The following BAG4 variants were observed in gnomAD, a reference collection of about 807,000 sequenced individuals.
The protein encoded by BAG4 is BAG family molecular chaperone regulator 4.
Under a neutral mutation model 52.1 loss-of-function variants are expected in BAG4, and 28 were observed. That is an observed-to-expected ratio of 0.54 (90% CI 0.40 to 0.74). The LOEUF (loss-of-function observed/expected upper bound fraction) is 0.74. Among genes scored for constraint, BAG4 ranks in the 30% least tolerant of loss-of-function variants. The pLI is 0.00. For synonymous variants in BAG4, 208 were observed against 217.0 expected, an observed-to-expected ratio of 0.96 and a Z score of 0.37; for missense variants, 525 against 572.0, an observed-to-expected ratio of 0.92 and a Z score of 0.84.
At chr8:38,190,291 A>G (rs374939604) in intron 1 of BAG4, among the ~76,000 whole-genome samples, 2 of 152,232 alleles carry the variant, frequency 1.3e-5, no homozygotes, top group Non-Finnish European at 2.9e-5. Context: ...ATCACTACTA[A>G]TAACATTATA....
chr8:38,198,333 G>A (rs1803599426), intron 2 of BAG4, among the ~76,000 whole-genome samples: 1 of 144,872 alleles, frequency 6.9e-6, no homozygotes, highest in South Asian at 2.3e-4. Context: ...GCAATGAACC[G>A]AGATCACGCC....
chr8:38,196,030 A>G (rs929767649), intron 2 of BAG4, among the ~76,000 whole-genome samples: 2 of 152,168 alleles, frequency 1.3e-5, no homozygotes, highest in African/African-American at 4.8e-5. Flanking sequence ...GGCTTCTGTC[A>G]CTGTGTAATG....
chr8:38,189,731 G>A (rs1355519292), intron 1 of BAG4, among the ~76,000 whole-genome samples: 13 of 152,170 alleles, frequency 8.5e-5, no homozygotes, highest in Admixed American at 7.2e-4. Context: ...AATTTGCAGC[G>A]ACTCCTAAAT....
intron 2 of BAG4, among the ~76,000 whole-genome samples, chr8:38,196,618 TGC>T (rs1319557630): frequency 1.3e-5 from 2 of 151,626 alleles, no homozygotes; most frequent in East Asian, 4.0e-4. Context: ...GCCACTGCAC[TGC>T]AGCCTGGGCA....
chr8:38,210,292 G>A lies in BAG4; in HGVS notation c.1173G>A (p.Gln391=). Residue 391 remains glutamine (Q), a synonymous_variant, in exon 5 of 5, where the codon CAG becomes CAA. Transcript: ENST00000287322. ...TCATACATGTGCTGGAGAAGGTCCAGTATCTTGAACAAGAAGTAGAAGAAT... is the reference window on the plus strand; with the variant it reads ...TCATACATGTGCTGGAGAAGGTCCAATATCTTGAACAAGAAGTAGAAGAAT... ...KKIIHVLEKV[Q]YLEQEVEEFV... is the part of the protein sequence containing the mutation. 1 of 1,614,164 alleles carries A rather than the reference G, an allele frequency of 6.2e-7. No individual in the cohort carries two copies. Among genetic ancestry groups the A allele is most frequent in the East Asian group, 2.2e-5 (1 of 44,882 alleles).
chr8:38,179,935 C>G (rs1435207540), intron 1 of BAG4, among the ~76,000 whole-genome samples: 1 of 151,956 alleles, frequency 6.6e-6, no homozygotes, highest in Non-Finnish European at 1.5e-5. Flanking sequence ...TTTGCTGGGC[C>G]TGCTGTATTA....
At chr8:38,182,051 C>A (rs1803284130) in intron 1 of BAG4, among the ~76,000 whole-genome samples, 1 of 151,988 alleles carries the variant, frequency 6.6e-6, no homozygotes, top group Non-Finnish European at 1.5e-5. Context: ...GCTAGGTCAT[C>A]TTACAGTAAG....
At chr8:38,183,080 T>C (rs905208833) in intron 1 of BAG4, among the ~76,000 whole-genome samples, 3 of 149,752 alleles carry the variant, frequency 2.0e-5, no homozygotes, top group African/African-American at 7.4e-5. Context: ...AGTCTCTCTT[T>C]GTCGCCCAGG....
chr8:38,195,881 G>A (rs139679601), intron 2 of BAG4, among the ~76,000 whole-genome samples: 15 of 152,184 alleles, frequency 9.9e-5, no homozygotes, highest in East Asian at 7.7e-4. Flanking sequence ...TCATCACCCC[G>A]AATAGAAACC....
At chr8:38,194,400 A>C (rs1445317241) in intron 2 of BAG4, among the ~76,000 whole-genome samples, 2 of 133,580 alleles carry the variant, frequency 1.5e-5, no homozygotes, top group Non-Finnish European at 3.2e-5. Context: ...TTTTGGGTTT[A>C]GGTGTGTACT....
Position 38,212,230 on chromosome 8 carries a change from C to T in BAG4, c.*1737C>T, listed in dbSNP as rs1344044976. On this transcript the variant is annotated 3_prime_UTR_variant, in exon 5 of 5. Coordinates refer to ENST00000287322, the MANE Select transcript of BAG4 (RefSeq NM_004874.4). ...GGGGGAGGACCTTAAAGCTAAGCTACCAGTAAGACAATGAATAATTCAGAA... is the reference window on the plus strand; with the variant it reads ...GGGGGAGGACCTTAAAGCTAAGCTATCAGTAAGACAATGAATAATTCAGAA... 2 of 152,152 alleles carry T rather than the reference C, an allele frequency of 1.3e-5. No individual in the cohort carries two copies. Among genetic ancestry groups the T allele is most frequent in the East Asian group, 1.9e-4 (1 of 5,184 alleles). The allele number at this position is 152,152 out of a possible 1,614,324, so 9.4% of individuals were successfully genotyped here.
At chr8:38,182,771 G>A (rs563923603) in intron 1 of BAG4, among the ~76,000 whole-genome samples, 3 of 151,932 alleles carry the variant, frequency 2.0e-5, no homozygotes, top group African/African-American at 7.3e-5. Flanking sequence ...ACTGTTACTA[G>A]GGATATTTTT....
chr8:38,176,876 G>C lies in BAG4; in HGVS notation c.7G>C (p.Ala3Pro). Residue 3 changes from alanine to proline, a missense_variant, in exon 1 of 5, where the codon GCC becomes CCC. Ala to Pro is a conservative substitution (Grantham distance 27). This residue lies in a region of BAG4 where 287 missense variants were observed against 266.1 expected (regional missense o/e 1.08). Coordinates refer to ENST00000287322, the MANE Select transcript of BAG4 (RefSeq NM_004874.4). MS[A>P]LRRSGYGPSD... The stretch of plus-strand genomic sequence containing the variant: ...CTTCAGGGCAGCGGATCCCATGTCG[G>C]CCCTGAGGCGCTCGGGCTACGGCCC... The C allele has an allele frequency of 6.5e-7, 1 of 1,536,428 alleles. No individual in the cohort carries two copies. Among genetic ancestry groups the C allele is most frequent in the Non-Finnish European group, 8.8e-7 (1 of 1,139,878 alleles).
At chr8:38,209,355 A>G in intron 4 of BAG4, 88 bp downstream of exon 4, 1 of 1,536,358 alleles carries the variant, frequency 6.5e-7, no homozygotes, top group Non-Finnish European at 8.8e-7. Flanking sequence ...GGTTTGTGTT[A>G]AATGGGGACT....
intron 3 of BAG4, among the ~76,000 whole-genome samples, chr8:38,208,371 A>G (rs1473860142): frequency 7.9e-6 from 1 of 126,216 alleles, no homozygotes; most frequent in African/African-American, 3.1e-5. Context: ...GTGCAGTGGC[A>G]CGGTCTAGGC....
intron 2 of BAG4, among the ~76,000 whole-genome samples, chr8:38,206,169 G>C (rs1803766932): frequency 6.6e-6 from 1 of 151,510 alleles, no homozygotes. Flanking sequence ...CAGCTACTTG[G>C]GAGGCTGAGG....
rs376268617 is a variant in BAG4, at chr8:38,176,860, A to C, written c.-10A>C. 1.3e-6 allele frequency: 2 copies of C among 1,496,270 alleles called. No homozygotes were observed. The highest frequency in any genetic ancestry group is 1.8e-6 in the Non-Finnish European group (2 of 1,121,242). The allele number at this position is 1,496,270 out of a possible 1,614,324, so 92.7% of individuals were successfully genotyped here. A position where few individuals can be genotyped will look rare whatever the true frequency, so the allele number is the denominator to read the frequency against. Reference sequence around the variant, plus strand: ...AGCGGGGCGGGAAGCGCTTCAGGGCAGCGGATCCCATGTCGGCCCTGAGGC... The same window carrying C: ...AGCGGGGCGGGAAGCGCTTCAGGGCCGCGGATCCCATGTCGGCCCTGAGGC... On this transcript the variant is annotated 5_prime_UTR_variant, in exon 1 of 5. Transcript: ENST00000287322.
intron 2 of BAG4, among the ~76,000 whole-genome samples, chr8:38,197,065 G>C (rs1178181958): frequency 5.3e-5 from 8 of 152,162 alleles, no homozygotes; most frequent in African/African-American, 1.9e-4. Flanking sequence ...CTGCGTGACA[G>C]AGCAAGACTC....
intron 2 of BAG4, among the ~76,000 whole-genome samples, chr8:38,196,279 T>G (rs892054258): frequency 6.6e-6 from 1 of 152,214 alleles, no homozygotes; most frequent in Non-Finnish European, 1.5e-5. Flanking sequence ...CCAAAGGGAT[T>G]GCACCATTTT....
Sources: gnomAD v4.1 joint callset for allele counts (sites outside exome capture counted in the v4.1 genomes callset) on GRCh38, gnomAD v4.1.1 for gene constraint, gnomAD v4.1.1 regional missense constraint, MANE v1.5 for transcripts, NCBI Gene and HGNC (gene_info 2026-07-23, HGNC 2026-07-21) for gene names.